NBEA: variants seen among roughly 807,000 people sequenced by gnomAD.
NBEA encodes lysosomal-trafficking regulator 2.
In NBEA, 44 loss-of-function variants were observed where a neutral mutation model predicts 343.4. The ratio of observed to expected loss-of-function variants is 0.13; its 90% CI spans 0.10 to 0.16. The LOEUF is 0.16. Among genes scored for constraint, NBEA ranks in the 10% least tolerant of loss-of-function variants. The pLI is 1.00. For missense variants in NBEA, 2,555 were observed against 3,631.3 expected, an observed-to-expected ratio of 0.70 and a Z score of 7.62; for synonymous variants, 1,175 against 1,238.7, an observed-to-expected ratio of 0.95 and a Z score of 1.08.
At chr13:35,115,173 A>G (rs1199833253) in intron 13 of NBEA, among the ~76,000 whole-genome samples, 2 of 152,128 alleles carry the variant, frequency 1.3e-5, no homozygotes. Flanking sequence ...CAGGTAGCCA[A>G]TGTTACCAGT....
At chr13:35,401,601 T>TA (rs2043004818) in intron 38 of NBEA, among the ~76,000 whole-genome samples, 1 of 152,072 alleles carries the variant, frequency 6.6e-6, no homozygotes, top group Non-Finnish European at 1.5e-5. Flanking sequence ...TGCTCTATCT[T>TA]AAGACATCTG....
At chr13:35,115,329 GTTATAA>G (rs1388408351) in intron 13 of NBEA, among the ~76,000 whole-genome samples, 1 of 151,790 alleles carries the variant, frequency 6.6e-6, no homozygotes, top group Admixed American at 6.6e-5. Context: ...ATATAAACAA[GTTATAA>G]TTATAAATAT....
At chr13:35,505,950 A>G (rs2077058679) in intron 41 of NBEA, among the ~76,000 whole-genome samples, 1 of 152,210 alleles carries the variant, frequency 6.6e-6, no homozygotes. Flanking sequence ...TTCAATTCAA[A>G]TTTAAATAAC....
At position 35,452,346 on chromosome 13, in the gene NBEA, A is replaced by T. The variant is rs976379128; in HGVS notation, c.6448+111A>T. 6.7e-6 allele frequency: 5 copies of T among 744,676 alleles called. No individual in the cohort carries two copies. The African/African-American group carries it at 8.9e-5, about 13-fold the overall frequency. 46.1% of individuals were successfully genotyped at this position (744,676 alleles called of 1,614,324 possible). ...TGTGCCAATGGTTGTAACAATGCTC[A>T]ATCACATGAATGTTAAAACTCTACT... On this transcript the variant is annotated intron_variant, in intron 40 of 58. Transcript: ENST00000379939.
At position 35,109,283 on chromosome 13, in the gene NBEA, T is replaced by C; in HGVS notation, c.1681-7T>C. The C allele has an allele frequency of 6.4e-7, 1 of 1,569,550 alleles. No homozygotes were observed. The highest frequency in any genetic ancestry group is 8.6e-7 in the Non-Finnish European group (1 of 1,161,714). On this transcript the variant is annotated splice_polypyrimidine_tract_variant and splice_region_variant and intron_variant, in intron 11 of 58. Coordinates refer to ENST00000379939, the MANE Select transcript of NBEA (RefSeq NM_001385012.1). Reference sequence around the variant, plus strand: ...TTTCAAGCTAGAATTTCTGTTTTCTTTCTTAGTCATCAAGAGTTCATATAA... The same window carrying C: ...TTTCAAGCTAGAATTTCTGTTTTCTCTCTTAGTCATCAAGAGTTCATATAA...
intron 47 of NBEA, among the ~76,000 whole-genome samples, chr13:35,595,202 A>G (rs561306341): frequency 2.4e-4 from 37 of 152,106 alleles, no homozygotes; most frequent in African/African-American, 4.6e-4. Flanking sequence ...TTTCAGAAAC[A>G]TTTACATTTT....
intron 34 of NBEA, among the ~76,000 whole-genome samples, chr13:35,266,871 A>G (rs2033727196): frequency 6.6e-6 from 1 of 151,904 alleles, no homozygotes; most frequent in Non-Finnish European, 1.5e-5. Context: ...ATAACTTTTC[A>G]ACTCCCCAAA....
At chr13:35,669,884 G>T (rs2085527878) in intron 58 of NBEA, among the ~76,000 whole-genome samples, 1 of 151,964 alleles carries the variant, frequency 6.6e-6, no homozygotes, top group Non-Finnish European at 1.5e-5. Context: ...GCTGGGAAGG[G>T]CAGGAAAGAC....
At chr13:35,577,838 T>C (rs1374596317) in intron 45 of NBEA, among the ~76,000 whole-genome samples, 1 of 152,116 alleles carries the variant, frequency 6.6e-6, no homozygotes, top group Non-Finnish European at 1.5e-5. Flanking sequence ...ATGTAAGGCT[T>C]TACAGATGCA....
At chr13:35,593,569 A>G in intron 47 of NBEA, 122 bp downstream of exon 47, 1 of 627,590 alleles carries the variant, frequency 1.6e-6, no homozygotes, top group South Asian at 2.8e-5. Context: ...TTAAAATTAT[A>G]TGGTACATCT....
intron 43 of NBEA, among the ~76,000 whole-genome samples, chr13:35,551,704 CTGCCAGTAT>C (rs60715885): frequency 0.26 from 39,441 of 151,934 alleles, 6,181 homozygotes; most frequent in Middle Eastern, 0.46. Context: ...AGTTAAGGTG[CTGCCAGTAT>C]TGGTTCAGAG....
chr13:35,050,663 T>C (rs1322457418), intron 6 of NBEA, among the ~76,000 whole-genome samples: 2 of 152,032 alleles, frequency 1.3e-5, no homozygotes, highest in East Asian at 3.9e-4. Flanking sequence ...TAGATACTTA[T>C]TATCTACTGA....
At chr13:34,978,394 T>TC (rs2060249474) in intron 1 of NBEA, among the ~76,000 whole-genome samples, 1 of 152,212 alleles carries the variant, frequency 6.6e-6, no homozygotes, top group South Asian at 2.1e-4. Flanking sequence ...TTTTTATGCA[T>TC]CCATCGATCT....
At chr13:35,010,744 AT>A (rs2061465424) in intron 1 of NBEA, among the ~76,000 whole-genome samples, 80 of 62,190 alleles carry the variant, frequency 1.3e-3, no homozygotes, top group Non-Finnish European at 1.3e-3. Flanking sequence ...AAAAAAAAAT[AT>A]ATATATATAT....
At chr13:35,448,738 C>G (rs147526700) in intron 39 of NBEA, among the ~76,000 whole-genome samples, 2 of 152,236 alleles carry the variant, frequency 1.3e-5, no homozygotes, top group Non-Finnish European at 2.9e-5. Flanking sequence ...TACACAAGTG[C>G]TCTTAAGAAA....
intron 46 of NBEA, among the ~76,000 whole-genome samples, chr13:35,590,866 C>A (rs950156119): frequency 2.6e-5 from 4 of 152,056 alleles, no homozygotes; most frequent in Admixed American, 1.3e-4. Flanking sequence ...CTCTCACCCA[C>A]CATACTCCCA....
intron 27 of NBEA, among the ~76,000 whole-genome samples, chr13:35,174,995 A>G (rs2070765538): frequency 6.6e-6 from 1 of 151,858 alleles, no homozygotes; most frequent in South Asian, 2.1e-4. Context: ...GTTTCACCAC[A>G]TTGGCCAGGA....
intron 35 of NBEA, among the ~76,000 whole-genome samples, chr13:35,296,029 A>G (rs1465533214): frequency 1.3e-5 from 2 of 152,172 alleles, no homozygotes; most frequent in Non-Finnish European, 2.9e-5. Flanking sequence ...AACTTAGCAC[A>G]TATCCACCTC....
intron 1 of NBEA, among the ~76,000 whole-genome samples, chr13:34,949,694 G>C (rs2059292450): frequency 6.6e-6 from 1 of 152,072 alleles, no homozygotes; most frequent in South Asian, 2.1e-4. Context: ...TGCAGTTATT[G>C]TTTCTTAATG....
Sources: gnomAD v4.1 joint callset for allele counts (sites outside exome capture counted in the v4.1 genomes callset) on GRCh38, gnomAD v4.1.1 for gene constraint, MANE v1.5 for transcripts, NCBI Gene and HGNC (gene_info 2026-07-23, HGNC 2026-07-21) for gene names.